The following LYPLA1 variants were observed in gnomAD, a reference collection of about 807,000 sequenced individuals.
LYPLA1 encodes lysophospholipase 1, also known as acyl-protein thioesterase 1.
A neutral mutation model predicts 34.0 loss-of-function variants in LYPLA1; 17 were observed. The observed-to-expected ratio is 0.50, with a 90% CI of 0.34 to 0.75. The LOEUF (loss-of-function observed/expected upper bound fraction) is 0.75, where lower values mean the gene tolerates loss of function less well. LYPLA1 is among the 30% of genes least tolerant of loss of function. LYPLA1 has a pLI of 0.01. For missense variants in LYPLA1, 203 were observed against 288.8 expected (o/e 0.70, Z 2.15); for synonymous variants, 98 against 100.8 (o/e 0.97, Z 0.17).
intron 8 of LYPLA1, 93 bp from the exon 9 acceptor site, chr8:54,048,211 C>G: frequency 1.4e-6 from 1 of 736,652 alleles, no homozygotes; most frequent in Non-Finnish European, 2.4e-6. Context: ...CTATGGTATG[C>G]ATAAAGGCGA....
rs554362112 is a variant in LYPLA1 at position 54,085,963 on chromosome 8, G to T, written c.101+14945C>A. 3.4e-3 allele frequency among the ~76,000 whole-genome samples: 511 copies of T among 152,288 alleles called. 2 individuals are homozygous for T. Among genetic ancestry groups the T allele is most frequent in the African/African-American group, 0.012 (487 of 41,562 alleles). On this transcript the variant is annotated intron_variant, in intron 2 of 8. Transcript: ENST00000316963. Reference sequence around the variant, plus strand: ...CAACAGCTCATTGAGAACGGGCCATGATGACGATGGCGGTTTTGTCGAATA... The same window carrying T: ...CAACAGCTCATTGAGAACGGGCCATTATGACGATGGCGGTTTTGTCGAATA...
At chr8:54,075,896 G>A (rs973634266) in intron 2 of LYPLA1, among the ~76,000 whole-genome samples, 1 of 152,164 alleles carries the variant, frequency 6.6e-6, no homozygotes, top group Non-Finnish European at 1.5e-5. Context: ...CAGAGGTGCG[G>A]CACAATGATT....
At chr8:54,092,716 T>C (rs1809391762) in intron 2 of LYPLA1, among the ~76,000 whole-genome samples, 1 of 152,226 alleles carries the variant, frequency 6.6e-6, no homozygotes, top group Non-Finnish European at 1.5e-5. Flanking sequence ...GTGTAGTGGC[T>C]CACACCTGTA....
At chr8:54,054,650 A>G (rs1376299554) in intron 6 of LYPLA1, 1 of 155,148 alleles carries the variant, frequency 6.4e-6, no homozygotes, top group Non-Finnish European at 1.4e-5. Flanking sequence ...AGCAGGGGAA[A>G]AAGTACAGAG....
chr8:54,045,044 G>A (rs1349315541), downstream of LYPLA1: 3 of 152,206 alleles, frequency 2.0e-5, no homozygotes, highest in Non-Finnish European at 2.9e-5. Flanking sequence ...AGACCATGAA[G>A]TTAGGCACAT....
chr8:54,050,860 G>T, intron 8 of LYPLA1, 152 bp downstream of exon 8: 2 of 701,808 alleles, frequency 2.8e-6, no homozygotes, highest in Non-Finnish European at 4.7e-6. Context: ...GTTGAATTAA[G>T]TTGAATACAC....
intron 2 of LYPLA1, among the ~76,000 whole-genome samples, chr8:54,081,844 C>T (rs1290861262): frequency 6.6e-6 from 1 of 152,056 alleles, no homozygotes; most frequent in East Asian, 1.9e-4. Context: ...ATTCTCCTGC[C>T]TCAGCCTCCC....
At chr8:54,077,051 G>A (rs1298974677) in intron 2 of LYPLA1, among the ~76,000 whole-genome samples, 1 of 151,946 alleles carries the variant, frequency 6.6e-6, no homozygotes, top group Non-Finnish European at 1.5e-5. Context: ...TACTTTCATT[G>A]CACTGCTATT....
chr8:54,078,482 T>C (rs970895802), intron 2 of LYPLA1, among the ~76,000 whole-genome samples: 4 of 152,200 alleles, frequency 2.6e-5, no homozygotes, highest in African/African-American at 9.6e-5. Flanking sequence ...ACTCAAGATT[T>C]TCCAACTTTA....
intron 5 of LYPLA1, among the ~76,000 whole-genome samples, chr8:54,056,002 G>T (rs974075036): frequency 6.6e-6 from 1 of 152,068 alleles, no homozygotes; most frequent in African/African-American, 2.4e-5. Flanking sequence ...TAAGCAAAAA[G>T]AATAAAACTA....
rs187570276 is a variant in LYPLA1 at position 54,072,906 on chromosome 8, C to T, written c.102-7093G>A. Among the ~76,000 whole-genome samples, 686 of 148,284 alleles carry T rather than the reference C, an allele frequency of 4.6e-3. 14 individuals are homozygous for T. The highest frequency in any genetic ancestry group is 0.01 in the Middle Eastern group (3 of 290). ...GAGGCAGGAGAATTGCTTGAACACT[C>T]CAGCTTGGCGACAGAGCAAGACTGA... is the stretch of plus-strand genomic sequence containing the variant. On this transcript the variant is annotated intron_variant, in intron 2 of 8. Transcript: ENST00000316963.
intron 4 of LYPLA1, 117 bp from the exon 5 acceptor site, chr8:54,062,441 T>A: frequency 2.7e-6 from 1 of 370,998 alleles, no homozygotes; most frequent in Non-Finnish European, 4.7e-6. Flanking sequence ...TGTTTTATTT[T>A]ATTTAATTTA....
At chr8:54,078,879 C>A (rs945947781) in intron 2 of LYPLA1, among the ~76,000 whole-genome samples, 4 of 144,520 alleles carry the variant, frequency 2.8e-5, no homozygotes, top group African/African-American at 1.1e-4. Context: ...TGTTCAACAA[C>A]CCCCCCCCTT....
intron 2 of LYPLA1, among the ~76,000 whole-genome samples, chr8:54,087,889 C>T (rs1363293049): frequency 1.3e-5 from 2 of 152,146 alleles, no homozygotes; most frequent in Admixed American, 1.3e-4. Context: ...GTACACCGAA[C>T]AAAGGAGACA....
rs545731759 is a variant in LYPLA1 at position 54,101,592 on chromosome 8, C to A, written c.69+163G>T. On this transcript the variant is annotated intron_variant, in intron 1 of 8. Transcript: ENST00000316963. Reference sequence around the variant, plus strand: ...GCTGTGACCCCCCGGCTGCCCCCGCCCCCCGCGGACCCGGCCGCGCGGACC... The same window carrying A: ...GCTGTGACCCCCCGGCTGCCCCCGCACCCCGCGGACCCGGCCGCGCGGACC... 34 of 1,151,282 alleles carry A rather than the reference C, an allele frequency of 3.0e-5. No homozygotes were observed. In the African/African-American group the frequency reaches 5.0e-4, roughly 17 times the overall value. 71.3% of individuals were successfully genotyped at this position (1,151,282 alleles called of 1,614,324 possible).
At chr8:54,067,313 T>C (rs117322613) in intron 2 of LYPLA1, among the ~76,000 whole-genome samples, 1,746 of 152,252 alleles carry the variant, frequency 0.011, 17 homozygotes, top group Non-Finnish European at 0.014. Flanking sequence ...CTAAACAATA[T>C]AGTAAGACCC....
At chr8:54,089,055 G>A (rs146570680) in intron 2 of LYPLA1, among the ~76,000 whole-genome samples, 1 of 152,350 alleles carries the variant, frequency 6.6e-6, no homozygotes, top group East Asian at 1.9e-4. Context: ...GTGGTTGCCA[G>A]GGAGGGGAAT....
At chr8:54,070,114 T>A (rs762621364) in intron 2 of LYPLA1, among the ~76,000 whole-genome samples, 4 of 152,218 alleles carry the variant, frequency 2.6e-5, no homozygotes, top group South Asian at 2.1e-4. Flanking sequence ...AGTTACCATA[T>A]CCAGCAATTC....
intron 5 of LYPLA1, among the ~76,000 whole-genome samples, chr8:54,061,380 C>T (rs967132795): frequency 3.3e-5 from 5 of 152,240 alleles, no homozygotes; most frequent in African/African-American, 9.6e-5. Flanking sequence ...CACGCCCGGC[C>T]GGCCAAAACT....
Sources: gnomAD v4.1 joint callset for allele counts (sites outside exome capture counted in the v4.1 genomes callset) on GRCh38, gnomAD v4.1.1 for gene constraint, MANE v1.5 for transcripts, NCBI Gene and HGNC (gene_info 2026-07-23, HGNC 2026-07-21) for gene names.